The following LRP1B variants were observed in gnomAD, a reference collection of about 807,000 sequenced individuals.
The protein encoded by LRP1B is low-density lipoprotein receptor-related protein 1B.
A neutral mutation model predicts 556.6 loss-of-function variants in LRP1B; 217 were observed. The ratio of observed to expected loss-of-function variants is 0.39; its 90% CI spans 0.35 to 0.44. The LOEUF is 0.44. LRP1B is among the 20% of genes least tolerant of loss of function. LRP1B has a pLI of 1.00. For synonymous variants in LRP1B, 2,047 were observed against 1,865.8 expected, an observed-to-expected ratio of 1.10 and a Z score of -2.50; for missense variants, 5,053 against 5,620.8, an observed-to-expected ratio of 0.90 and a Z score of 3.23.
chr2:141,639,345 T>TACAC lies in LRP1B; in HGVS notation c.206-158813_206-158812insGTGT, dbSNP rs1317052266. ...ATATATATATATATATATATATATA[T>TACAC]ATATACACACACACACACATATATA... is the stretch of plus-strand genomic sequence containing the variant. On this transcript the variant is annotated intron_variant, in intron 2 of 90. Transcript: ENST00000389484. 9.7e-3 allele frequency among the ~76,000 whole-genome samples: 607 copies of TACAC among 62,732 alleles called. 2 individuals carry two copies. The highest frequency in any genetic ancestry group is 0.016 in the East Asian group (24 of 1,458). The allele number at this position is 62,732 out of a possible 152,430, so 41.2% of individuals were successfully genotyped here.
chr2:141,698,406 A>G (rs1215487029), intron 2 of LRP1B, among the ~76,000 whole-genome samples: 1 of 151,634 alleles, frequency 6.6e-6, no homozygotes, highest in Non-Finnish European at 1.5e-5. Flanking sequence ...AATCAGGGAA[A>G]GTGTTCCTGA....
intron 43 of LRP1B, among the ~76,000 whole-genome samples, chr2:140,592,014 G>A (rs1053266718): frequency 6.6e-6 from 1 of 152,116 alleles, no homozygotes; most frequent in African/African-American, 2.4e-5. Flanking sequence ...CATTCATGAT[G>A]AGTCTATGCA....
intron 29 of LRP1B, among the ~76,000 whole-genome samples, chr2:140,841,648 C>T (rs1045391283): frequency 1.3e-5 from 2 of 152,118 alleles, no homozygotes; most frequent in Non-Finnish European, 2.9e-5. Flanking sequence ...ATCCCTTCAA[C>T]GTGGATTCTG....
chr2:140,691,293 G>A (rs1360290203), intron 41 of LRP1B, among the ~76,000 whole-genome samples: 2 of 152,036 alleles, frequency 1.3e-5, no homozygotes, highest in Non-Finnish European at 2.9e-5. Flanking sequence ...CCAACATGGA[G>A]AAACCCCGTC....
chr2:140,434,350 G>T (rs1573934943), intron 66 of LRP1B, among the ~76,000 whole-genome samples: 1 of 152,140 alleles, frequency 6.6e-6, no homozygotes, highest in Admixed American at 6.5e-5. Context: ...GATTACAGGT[G>T]TGAGCCACCA....
intron 59 of LRP1B, among the ~76,000 whole-genome samples, chr2:140,476,726 A>G (rs1490941669): frequency 6.6e-6 from 1 of 152,012 alleles, no homozygotes; most frequent in Admixed American, 6.6e-5. Context: ...TGGTGCTTAA[A>G]AAAGAAGAAA....
At position 140,259,653 on chromosome 2, in the gene LRP1B, C is replaced by T. The variant is rs186821649; in HGVS notation, c.13247+10589G>A. Reference sequence around the variant, plus strand: ...ATGATTTAACAATATTCATTAAGAACATATTACATGGAGAATACATGCGAC... The same window carrying T: ...ATGATTTAACAATATTCATTAAGAATATATTACATGGAGAATACATGCGAC... On this transcript the variant is annotated intron_variant, in intron 86 of 90. Transcript: ENST00000389484. 5.8e-4 allele frequency among the ~76,000 whole-genome samples: 88 copies of T among 152,080 alleles called. 2 individuals carry two copies. Among genetic ancestry groups the T allele is most frequent in the Admixed American group, 2.6e-3 (39 of 15,270 alleles).
intron 2 of LRP1B, among the ~76,000 whole-genome samples, chr2:141,549,080 C>T (rs10200582): frequency 0.97 from 148,000 of 152,232 alleles, 72,080 homozygotes; most frequent in East Asian, 1. Context: ...TGGAAAATTA[C>T]GTTATATAAA....
At chr2:141,614,922 A>C (rs762609245) in intron 2 of LRP1B, among the ~76,000 whole-genome samples, 22 of 152,212 alleles carry the variant, frequency 1.4e-4, no homozygotes, top group Non-Finnish European at 2.6e-4. Context: ...AACACACTGC[A>C]TCCTGGTATA....
intron 43 of LRP1B, among the ~76,000 whole-genome samples, chr2:140,548,176 A>G (rs749159164): frequency 1.7e-4 from 26 of 152,158 alleles, no homozygotes; most frequent in Non-Finnish European, 3.1e-4. Context: ...GTATTCAGAT[A>G]TGAAGAGACG....
intron 32 of LRP1B, among the ~76,000 whole-genome samples, chr2:140,801,593 T>C (rs931455327): frequency 1.3e-5 from 2 of 152,098 alleles, no homozygotes; most frequent in Admixed American, 6.6e-5. Flanking sequence ...TTTTTTTTTT[T>C]TTTTTGTCTA....
chr2:141,052,477 G>A lies in LRP1B; in HGVS notation c.1552+2639C>T, dbSNP rs150370956. Among the ~76,000 whole-genome samples, 515 of 151,844 alleles carry A rather than the reference G, an allele frequency of 3.4e-3. 3 individuals carry two copies. The highest frequency in any genetic ancestry group is 0.012 in the African/African-American group (490 of 41,432). ...ACTAGAGAAGCAACATAATATAGTC[G>A]GCTGCTTACCTATTGTTGGATAGCT... On this transcript the variant is annotated intron_variant, in intron 10 of 90. Transcript: ENST00000389484.
At chr2:141,641,563 A>G (rs947638644) in intron 2 of LRP1B, among the ~76,000 whole-genome samples, 1 of 152,142 alleles carries the variant, frequency 6.6e-6, no homozygotes, top group Non-Finnish European at 1.5e-5. Flanking sequence ...TATACATTCA[A>G]CCCTTAAATG....
Position 140,331,923 on chromosome 2 carries a change from C to T in LRP1B, c.12223+2530G>A, listed in dbSNP as rs189496835. Among the ~76,000 whole-genome samples, 284 of 152,044 alleles carry T rather than the reference C, an allele frequency of 1.9e-3. 1 individual carries two copies. The highest frequency in any genetic ancestry group is 6.5e-3 in the African/African-American group (269 of 41,540). ...TGTTGGGCAGGCTGGTCTCAAACTC[C>T]TGACCTCAGGTGATCTGCCCTCCTT... On this transcript the variant is annotated intron_variant, in intron 79 of 90. Transcript: ENST00000389484.
chr2:141,782,580 C>A (rs1296598276), intron 2 of LRP1B, among the ~76,000 whole-genome samples: 4 of 119,292 alleles, frequency 3.4e-5, no homozygotes, highest in Non-Finnish European at 6.5e-5. Context: ...ACTGGGGTAA[C>A]TAACACTCAT....
At chr2:140,940,884 T>A (rs1370714872) in intron 20 of LRP1B, among the ~76,000 whole-genome samples, 1 of 152,172 alleles carries the variant, frequency 6.6e-6, no homozygotes, top group African/African-American at 2.4e-5. Context: ...TACATTCCCA[T>A]CAACAGTCTA....
chr2:141,234,537 C>T (rs995186886), intron 5 of LRP1B, among the ~76,000 whole-genome samples: 19 of 151,836 alleles, frequency 1.3e-4, no homozygotes, highest in African/African-American at 4.6e-4. Context: ...CCACCATGCC[C>T]GATTAATTTT....
At chr2:140,375,845 A>T (rs1051172787) in intron 68 of LRP1B, among the ~76,000 whole-genome samples, 1 of 152,112 alleles carries the variant, frequency 6.6e-6, no homozygotes, top group Non-Finnish European at 1.5e-5. Context: ...TACTTGCTAT[A>T]CAATTAGATT....
chr2:140,967,240 C>A (rs1253006768), intron 18 of LRP1B, among the ~76,000 whole-genome samples: 13 of 152,046 alleles, frequency 8.6e-5, no homozygotes, highest in African/African-American at 3.1e-4. Flanking sequence ...TTGTAGTTCT[C>A]CTCAAAGGGG....
Sources: gnomAD v4.1 joint callset for allele counts (sites outside exome capture counted in the v4.1 genomes callset) on GRCh38, gnomAD v4.1.1 for gene constraint, MANE v1.5 for transcripts, NCBI Gene and HGNC (gene_info 2026-07-23, HGNC 2026-07-21) for gene names.